CYP4F12: variants seen among roughly 807,000 people sequenced by gnomAD.
The protein encoded by CYP4F12 is cytochrome P450 4F12.
A neutral mutation model predicts 56.5 loss-of-function variants in CYP4F12; 60 were observed. That is an observed-to-expected ratio of 1.06 (90% CI 0.86 to 1.32). The LOEUF (loss-of-function observed/expected upper bound fraction) is 1.32, where lower values mean the gene tolerates loss of function less well. CYP4F12 is among the 40% of genes most tolerant of loss of function. The pLI, the probability that CYP4F12 is intolerant of heterozygous loss-of-function variation, is 0.00. For synonymous variants in CYP4F12, 263 were observed against 264.9 expected, an observed-to-expected ratio of 0.99 and a Z score of 0.07; for missense variants, 711 against 683.5, an observed-to-expected ratio of 1.04 and a Z score of -0.45.
At chr19:15,688,823 A>T (rs2007740905) in intron 9 of CYP4F12, among the ~76,000 whole-genome samples, 1 of 152,228 alleles carries the variant, frequency 6.6e-6, no homozygotes, top group African/African-American at 2.4e-5. Context: ...CAGCCAACTG[A>T]TCTTTGACAA....
intron 7 of CYP4F12, 163 bp from the exon 8 acceptor site, chr19:15,684,653 A>T (rs1379388489): frequency 1.5e-6 from 1 of 666,118 alleles, no homozygotes; most frequent in South Asian, 2.1e-5. Context: ...GGTGATGGTG[A>T]ACAAGAGAGA....
Position 15,673,666 on chromosome 19 carries a change from G to C in CYP4F12, c.137G>C (p.Arg46Pro). The C allele has an allele frequency of 6.2e-7, 1 of 1,614,080 alleles. No individual in the cohort carries two copies. Among genetic ancestry groups the C allele is most frequent in the Non-Finnish European group, 8.5e-7 (1 of 1,180,010 alleles). ...AWTYAFYNNC[R>P]RLQCFPQPPK... Reference sequence around the variant, plus strand: ...ACCTATGCCTTCTATAACAACTGCCGCCGGCTCCAGTGTTTCCCACAGCCC... The same window carrying C: ...ACCTATGCCTTCTATAACAACTGCCCCCGGCTCCAGTGTTTCCCACAGCCC... The change falls in exon 2 of 13, where the codon CGC (arginine) becomes CCC (proline). Residue 46 changes from arginine (R) to proline (P), a missense_variant. Physicochemically the swap from Arg to Pro is moderately radical, Grantham distance 103 (BLOSUM62 -2). Transcript: ENST00000550308.
Position 15,683,621 on chromosome 19 carries a change from C to T in CYP4F12, c.776C>T (p.Ala259Val), listed in dbSNP as rs1199047981. ...CATGACGGGCGGCGCTTCCACAGGG[C>T]CTGCCGCCTGGTGCATGACTTCACA... is the stretch of plus-strand genomic sequence containing the variant. ...LSHDGRRFHRACRLVHDFTDA... is the reference protein window; with the variant it reads ...LSHDGRRFHRVCRLVHDFTDA... The change falls in exon 7 of 13, where the codon GCC becomes GTC. Residue 259 changes from alanine to valine, a missense_variant. By Grantham distance (64) the Ala-to-Val change is moderately conservative. Coordinates refer to ENST00000550308, the MANE Select transcript of CYP4F12 (RefSeq NM_023944.4). 6.2e-7 allele frequency: 1 copy of T among 1,614,200 alleles called. No individual in the cohort carries two copies. The highest frequency in any genetic ancestry group is 8.5e-7 in the Non-Finnish European group (1 of 1,180,030).
chr19:15,696,191 T>A lies in CYP4F12; in HGVS notation c.1280T>A (p.Val427Asp), dbSNP rs1310389578. The A allele has an allele frequency of 6.2e-7, 1 of 1,613,904 alleles. No homozygotes were observed. The highest frequency in any genetic ancestry group is 8.5e-7 in the Non-Finnish European group (1 of 1,179,980). ...ACCTGCCTCATCGATATTATAGGGG[T>A]CCATCACAACCCAACTGTGTGGCCG... ...GITCLIDIIG[V>D]HHNPTVWPDP... Residue 427 changes from valine (V) to aspartate (D), a missense_variant, in exon 11 of 13, where the codon GTC becomes GAC. Coordinates refer to ENST00000550308, the MANE Select transcript of CYP4F12 (RefSeq NM_023944.4).
At chr19:15,683,816 A>G in intron 7 of CYP4F12, 53 bp downstream of exon 7, 1 of 1,487,924 alleles carries the variant, frequency 6.7e-7, no homozygotes, top group South Asian at 1.4e-5. Flanking sequence ...TTCATGTCAA[A>G]TGTCAGGTGA....
chr19:15,683,665 C>T lies in CYP4F12; in HGVS notation c.820C>T (p.Arg274Trp), dbSNP rs140750774. 4,312 of 1,613,598 alleles carry T rather than the reference C, an allele frequency of 2.7e-3. 57 individuals are homozygous for T. The highest frequency in any genetic ancestry group is 1.5e-3 in the Admixed American group (91 of 59,856). The change falls in exon 7 of 13, where the codon CGG becomes TGG. Residue 274 changes from arginine (R) to tryptophan (W), a missense_variant. Transcript: ENST00000550308. ...CTTCACAGACGCTGTCATCCGGGAG[C>T]GGCGTCGCACCCTCCCCACTCAGGG... Reference protein sequence around the residue: ...HDFTDAVIRERRRTLPTQGID... With the variant: ...HDFTDAVIREWRRTLPTQGID...
rs771065835 is a variant in CYP4F12 at position 15,673,526 on chromosome 19, C to G, written c.-1-3C>G. ...CTCACCCTGCATCCCCTCTGCCCTG[C>G]AGGATGTCGCTGCTGAGCCTGCCCT... On this transcript the variant is annotated splice_polypyrimidine_tract_variant and splice_region_variant and intron_variant, in intron 1 of 12. Coordinates refer to ENST00000550308, the MANE Select transcript of CYP4F12 (RefSeq NM_023944.4). The G allele has an allele frequency of 6.2e-7, 1 of 1,612,962 alleles. No homozygotes were observed. Among genetic ancestry groups the G allele is most frequent in the Non-Finnish European group, 8.5e-7 (1 of 1,179,756 alleles).
chr19:15,686,122 C>A (rs957841239), intron 9 of CYP4F12, among the ~76,000 whole-genome samples: 3 of 152,158 alleles, frequency 2.0e-5, no homozygotes, highest in African/African-American at 7.2e-5. Flanking sequence ...GAGTTGAGAG[C>A]AAGAGAAGCA....
intron 2 of CYP4F12, among the ~76,000 whole-genome samples, chr19:15,674,713 AC>A (rs1351773300): frequency 3.4e-4 from 8 of 23,804 alleles, no homozygotes; most frequent in Non-Finnish European, 6.9e-4. Flanking sequence ...TCCTCTACCC[AC>A]CGACTCATTC....
chr19:15,684,509 G>A, intron 7 of CYP4F12: 1 of 331,468 alleles, frequency 3.0e-6, no homozygotes, highest in Middle Eastern at 7.9e-4. Flanking sequence ...CTGTACCCCA[G>A]GTTGCCAGTA....
chr19:15,687,295 G>T (rs115151717), intron 9 of CYP4F12, among the ~76,000 whole-genome samples: 33 of 148,090 alleles, frequency 2.2e-4, no homozygotes, highest in African/African-American at 8.2e-4. Flanking sequence ...AAAAAAAAGA[G>T]CTTCCTTCTT....
chr19:15,681,535 G>A (rs189749305), intron 5 of CYP4F12: 3 of 152,304 alleles, frequency 2.0e-5, no homozygotes, highest in African/African-American at 7.2e-5. Context: ...TAAATTCCAT[G>A]GGGGTGACAC....
At position 15,677,568 on chromosome 19, in the gene CYP4F12, C is replaced by A. The variant is rs371849796; in HGVS notation, c.199-693C>A. Among the ~76,000 whole-genome samples the A allele has an allele frequency of 4.3e-4, 7 of 16,092 alleles. 3 individuals carry two copies. Among genetic ancestry groups the A allele is most frequent in the Non-Finnish European group, 9.7e-4 (7 of 7,200 alleles). 10.6% of individuals were successfully genotyped at this position (16,092 alleles called of 152,430 possible). A position where few individuals can be genotyped will look rare whatever the true frequency, so the allele number is the denominator to read the frequency against. On this transcript the variant is annotated intron_variant, in intron 2 of 12. Coordinates refer to ENST00000550308, the MANE Select transcript of CYP4F12 (RefSeq NM_023944.4). ...CATTCCTCTCCTCACTCACTCGTTCCTCTCCTCACTCGCTCATTCCTCTCC... is the reference window on the plus strand; with the variant it reads ...CATTCCTCTCCTCACTCACTCGTTCATCTCCTCACTCGCTCATTCCTCTCC...
At chr19:15,689,690 C>T (rs62106494) in intron 9 of CYP4F12, among the ~76,000 whole-genome samples, 41,725 of 151,874 alleles carry the variant, frequency 0.27, 5,723 homozygotes, top group African/African-American at 0.37. Context: ...TGTAAAGGTA[C>T]GGAACCAACC....
chr19:15,680,253 C>T lies in CYP4F12; in HGVS notation c.353C>T (p.Ala118Val). 2 of 1,604,082 alleles carry T rather than the reference C, an allele frequency of 1.2e-6. No individual in the cohort carries two copies. The highest frequency in any genetic ancestry group is 1.1e-5 in the South Asian group (1 of 89,302). The change falls in exon 4 of 13, where the codon GCA (alanine) becomes GTA (valine). Residue 118 changes from alanine (A) to valine (V), a missense_variant. By Grantham distance (64) the Ala-to-Val change is moderately conservative (BLOSUM62 0). Transcript: ENST00000550308. ...TCCTCGTTCATGTCAGCTGCCATTG[C>T]ACCCAAGGATAATCTCTTCATCAGG... ...RSITNASAAI[A>V]PKDNLFIRFL...
chr19:15,678,490 C>T lies in CYP4F12; in HGVS notation c.343+85C>T, dbSNP rs1368413774. On this transcript the variant is annotated intron_variant, in intron 3 of 12. Transcript: ENST00000550308. ...GTACCCACGTCCCTCCTTGAGTACT[C>T]GTGCCCCTCATTGAGACTTCCTTCT... is the stretch of plus-strand genomic sequence containing the variant. The T allele has an allele frequency of 4.7e-5, 71 of 1,526,240 alleles. 1 individual carries two copies. The highest frequency in any genetic ancestry group is 1.6e-4 in the East Asian group (7 of 44,178). The allele number at this position is 1,526,240 out of a possible 1,614,324, so 94.5% of individuals were successfully genotyped here.
At chr19:15,690,534 GTTAA>G in intron 9 of CYP4F12, among the ~76,000 whole-genome samples, 1 of 144,334 alleles carries the variant, frequency 6.9e-6, no homozygotes, top group African/African-American at 2.5e-5. Flanking sequence ...TGATTTCTGT[GTTAA>G]TTATTTCAGA....
chr19:15,683,793 G>GAGAGAAT, intron 7 of CYP4F12, 30 bp downstream of exon 7: 1 of 1,506,842 alleles, frequency 6.6e-7, no homozygotes, highest in South Asian at 1.4e-5. Context: ...GAATTTAGGT[G>GAGAGAAT]AGAGAATAGA....
At chr19:15,690,831 T>C (rs912876566) in intron 9 of CYP4F12, among the ~76,000 whole-genome samples, 2 of 152,240 alleles carry the variant, frequency 1.3e-5, no homozygotes, top group African/African-American at 4.8e-5. Flanking sequence ...TATCCTCCCT[T>C]TCTCCAAGGG....
Sources: allele counts gnomAD v4.1 joint callset (sites outside exome capture counted in the v4.1 genomes callset), GRCh38; gene constraint gnomAD v4.1.1; transcripts MANE v1.5; gene names NCBI Gene and HGNC (gene_info 2026-07-23, HGNC 2026-07-21).